KCNK13: variants seen among roughly 807,000 people sequenced by gnomAD.
KCNK13 encodes the protein potassium two pore domain channel subfamily K member 13.
A neutral mutation model predicts 23.4 loss-of-function variants in KCNK13; 12 were observed. The observed-to-expected ratio is 0.51, with a 90% CI of 0.33 to 0.83. The LOEUF is 0.83. Among genes scored for constraint, KCNK13 ranks in the 40% least tolerant of loss-of-function variants. The probability of loss-of-function intolerance (pLI) is 0.02; values close to 1 mark genes in which losing one functional copy is unlikely to be tolerated. For synonymous variants in KCNK13, 231 were observed against 229.5 expected, an observed-to-expected ratio of 1.01 and a Z score of -0.06; for missense variants, 463 against 556.3, an observed-to-expected ratio of 0.83 and a Z score of 1.69.
intron 1 of KCNK13, among the ~76,000 whole-genome samples, chr14:90,169,459 G>A (rs1596808850): frequency 6.6e-6 from 1 of 152,260 alleles, no homozygotes; most frequent in East Asian, 1.9e-4. Flanking sequence ...GAAACCTACG[G>A]AATACTCAAT....
At chr14:90,122,612 G>A (rs888859059) in intron 1 of KCNK13, among the ~76,000 whole-genome samples, 34 of 151,980 alleles carry the variant, frequency 2.2e-4, no homozygotes, top group African/African-American at 8.2e-4. Context: ...TTTGCAAAAG[G>A]GTTGTACTCA....
At chr14:90,139,975 A>C (rs111378552) in intron 1 of KCNK13, among the ~76,000 whole-genome samples, 2,280 of 152,168 alleles carry the variant, frequency 0.015, 66 homozygotes, top group African/African-American at 0.051. Flanking sequence ...AACAAACAAA[A>C]AAAAATTCTG....
chr14:90,152,112 G>A (rs1890139784), intron 1 of KCNK13, among the ~76,000 whole-genome samples: 2 of 152,326 alleles, frequency 1.3e-5, no homozygotes, highest in South Asian at 4.1e-4. Flanking sequence ...GGACCAGATG[G>A]GAGGTAATTG....
At chr14:90,071,215 T>C (rs1230098904) in intron 1 of KCNK13, among the ~76,000 whole-genome samples, 1 of 152,214 alleles carries the variant, frequency 6.6e-6, no homozygotes, top group East Asian at 1.9e-4. Context: ...TTAACCCAAA[T>C]AATTCTTGGG....
intron 1 of KCNK13, among the ~76,000 whole-genome samples, chr14:90,115,498 T>C (rs1889665813): frequency 6.6e-6 from 1 of 152,222 alleles, no homozygotes; most frequent in Non-Finnish European, 1.5e-5. Context: ...GAACATCTTC[T>C]TGTGTTTTAT....
chr14:90,094,760 T>G (rs562418133), intron 1 of KCNK13, among the ~76,000 whole-genome samples: 20 of 151,002 alleles, frequency 1.3e-4, no homozygotes, highest in Non-Finnish European at 2.4e-4. Context: ...CCATTCTCCT[T>G]CCTCAGCCTC....
At chr14:90,072,387 G>A (rs187360164) in intron 1 of KCNK13, among the ~76,000 whole-genome samples, 1 of 152,164 alleles carries the variant, frequency 6.6e-6, no homozygotes, top group Admixed American at 6.5e-5. Context: ...GGGAGCAGTA[G>A]GGCCTTGTGC....
rs1596815527 is a variant in KCNK13 at position 90,184,927 on chromosome 14, A to T, written c.1151A>T (p.Asp384Val). 7.4e-6 allele frequency: 12 copies of T among 1,613,260 alleles called. No individual in the cohort carries two copies. The East Asian group carries it at 2.7e-4, about 36-fold the overall frequency. The part of the protein sequence containing the change: ...CPHQTSTLAR[D>V]NEFSGGVGAF... ...CACCAGACCAGCACACTGGCCCGGG[A>T]CAATGAATTCTCAGGGGGGGTGGGA... Residue 384 changes from aspartate (D) to valine (V), a missense_variant, in exon 2 of 2, where the codon GAC (aspartate) becomes GTC (valine). Asp to Val is a radical substitution (Grantham distance 152). Around this residue, in one of 3 missense-constraint regions of KCNK13, gnomAD observed 166 missense variants for 178.8 expected, o/e 0.93. Transcript: ENST00000282146. The surrounding 1 kb of genome is among the most constrained non-coding windows in gnomAD (Gnocchi z 5.6).
intron 1 of KCNK13, among the ~76,000 whole-genome samples, chr14:90,173,193 C>T (rs991689259): frequency 9.9e-5 from 15 of 152,032 alleles, no homozygotes; most frequent in African/African-American, 2.9e-4. Context: ...TGAATATCAG[C>T]GAGAATATGA....
At chr14:90,107,753 A>G in intron 1 of KCNK13, 1 of 811,838 alleles carries the variant, frequency 1.2e-6, no homozygotes, top group South Asian at 1.3e-5. Flanking sequence ...CCCATTCTGC[A>G]GGAGGACCCA....
chr14:90,112,249 C>T (rs896939058), intron 1 of KCNK13, among the ~76,000 whole-genome samples: 1 of 152,196 alleles, frequency 6.6e-6, no homozygotes, highest in Non-Finnish European at 1.5e-5. Flanking sequence ...CATGCAGGGA[C>T]TCCCACCCAC....
intron 1 of KCNK13, among the ~76,000 whole-genome samples, chr14:90,173,652 A>G (rs558113386): frequency 8.5e-5 from 13 of 152,296 alleles, no homozygotes; most frequent in African/African-American, 2.9e-4. Context: ...CAGGCAGCTC[A>G]GGCTTAAGAC....
intron 1 of KCNK13, among the ~76,000 whole-genome samples, chr14:90,161,263 A>G (rs1378771138): frequency 6.6e-6 from 1 of 152,236 alleles, no homozygotes; most frequent in Non-Finnish European, 1.5e-5. Flanking sequence ...GCAAGTTTAT[A>G]GATAGACAGT....
chr14:90,158,966 G>A (rs917380771), intron 1 of KCNK13, among the ~76,000 whole-genome samples: 4 of 152,180 alleles, frequency 2.6e-5, no homozygotes, highest in African/African-American at 7.2e-5. Context: ...CCATCATACT[G>A]TCTTAGTCCG....
At chr14:90,114,632 A>G (rs755937504) in intron 1 of KCNK13, among the ~76,000 whole-genome samples, 2 of 152,134 alleles carry the variant, frequency 1.3e-5, no homozygotes, top group Non-Finnish European at 2.9e-5. Context: ...TTGCACATGT[A>G]TATTGCTCCC....
At chr14:90,118,237 C>A (rs1035006918) in intron 1 of KCNK13, among the ~76,000 whole-genome samples, 2 of 152,152 alleles carry the variant, frequency 1.3e-5, no homozygotes, top group Admixed American at 6.6e-5. Flanking sequence ...GCAAGCTCTT[C>A]CCTGGGAGGA....
rs140883019 is a variant in KCNK13 at position 90,096,783 on chromosome 14, T to G, written c.334+34244T>G. On this transcript the variant is annotated intron_variant, in intron 1 of 1. Transcript: ENST00000282146. ...TTTCTTGGGCTCTTGCCTTTGCTTC[T>G]CTCTTTCTTTTGCTTTTGACTTCTG... is the stretch of plus-strand genomic sequence containing the variant. 2.5e-3 allele frequency among the ~76,000 whole-genome samples: 387 copies of G among 152,350 alleles called. 5 individuals are homozygous for G. Among genetic ancestry groups the G allele is most frequent in the African/African-American group, 8.9e-3 (371 of 41,584 alleles).
chr14:90,145,694 G>A lies in KCNK13; in HGVS notation c.335-38417G>A, dbSNP rs187472499. 2.6e-5 allele frequency among the ~76,000 whole-genome samples: 4 copies of A among 151,770 alleles called. No individual in the cohort carries two copies. The East Asian group carries it at 7.8e-4, about 30-fold the overall frequency. ...ATCCTTACTGATTTTCTTTCTATTT[G>A]TTATGTCATTTATTAAGAGATGGTT... On this transcript the variant is annotated intron_variant, in intron 1 of 1. Transcript: ENST00000282146.
intron 1 of KCNK13, among the ~76,000 whole-genome samples, chr14:90,086,799 C>A (rs549094871): frequency 6.6e-6 from 1 of 152,196 alleles, no homozygotes; most frequent in Non-Finnish European, 1.5e-5. Flanking sequence ...TGCAGGAGTT[C>A]TTAAGCCGGG....
Sources: gnomAD v4.1 joint callset for allele counts (sites outside exome capture counted in the v4.1 genomes callset) on GRCh38, gnomAD v4.1.1 for gene constraint, gnomAD v4.1.1 regional missense constraint, Gnocchi (gnomAD v3.1) non-coding constraint, MANE v1.5 for transcripts, NCBI Gene and HGNC (gene_info 2026-07-23, HGNC 2026-07-21) for gene names.